The following PFKFB3 variants were observed in gnomAD, a reference collection of about 807,000 sequenced individuals.
PFKFB3 encodes the protein 6-phosphofructo-2-kinase/fructose-2,6-biphosphatase 3.
A neutral mutation model predicts 68.0 loss-of-function variants in PFKFB3; 33 were observed. The ratio of observed to expected loss-of-function variants is 0.49; its 90% CI spans 0.37 to 0.65. PFKFB3 has a LOEUF of 0.65. Ranked by LOEUF, PFKFB3 falls within the 30% of genes least tolerant of loss-of-function variation. PFKFB3 has a pLI of 0.00. For synonymous variants in PFKFB3, 315 were observed against 288.2 expected, an observed-to-expected ratio of 1.09 and a Z score of -0.94; for missense variants, 586 against 712.2, an observed-to-expected ratio of 0.82 and a Z score of 2.02.
Position 6,228,131 on chromosome 10 carries a change from G to C in PFKFB3, c.1515+1766G>C. 6.3e-7 allele frequency: 1 copy of C among 1,597,830 alleles called. No individual in the cohort carries two copies. The highest frequency in any genetic ancestry group is 8.6e-7 in the Non-Finnish European group (1 of 1,166,664). On this transcript the variant is annotated intron_variant, in intron 14 of 14. Coordinates refer to ENST00000379775, the MANE Select transcript of PFKFB3 (RefSeq NM_004566.4). This position sits in a 1 kb window ranked among gnomAD's most constrained non-coding sequence, Gnocchi z 4.5. ...GCTGGGCCGGCGTGGGGTTTTTCAG[G>C]GCTTCGTCCCTGCAGATTGCGCCCT... is the stretch of plus-strand genomic sequence containing the variant.
At chr10:6,221,577 C>A (rs750783101) in intron 9 of PFKFB3, 50 bp downstream of exon 9, 2 of 1,611,538 alleles carry the variant, frequency 1.2e-6, no homozygotes, top group South Asian at 2.2e-5. Flanking sequence ...CATGGGGCGG[C>A]TTCCCAAGAG....
intron 6 of PFKFB3, among the ~76,000 whole-genome samples, chr10:6,218,422 T>C (rs1844736879): frequency 1.4e-5 from 2 of 141,844 alleles, no homozygotes; most frequent in South Asian, 5.1e-4. Flanking sequence ...ATTTATTTAT[T>C]TATTTATTTA....
chr10:6,291,366 A>C, the PFKFB3 span, among the ~76,000 whole-genome samples: 1 of 152,160 alleles, frequency 6.6e-6, no homozygotes, highest in Non-Finnish European at 1.5e-5. Flanking sequence ...AGCCTGGTCA[A>C]CATGGTGAAA....
chr10:6,324,186 C>G, the PFKFB3 span, among the ~76,000 whole-genome samples: 5 of 152,264 alleles, frequency 3.3e-5, no homozygotes, highest in East Asian at 9.6e-4. Flanking sequence ...GATGACATGA[C>G]GCTGAGTGGA....
chr10:6,232,103 A>G (rs1279746328), intron 14 of PFKFB3, among the ~76,000 whole-genome samples: 1 of 151,962 alleles, frequency 6.6e-6, no homozygotes, highest in Non-Finnish European at 1.5e-5. Context: ...AGGTGGAGAC[A>G]CTCAGGACTG....
At chr10:6,176,623 C>A (rs1842482779) in intron 1 of PFKFB3, among the ~76,000 whole-genome samples, 1 of 152,204 alleles carries the variant, frequency 6.6e-6, no homozygotes, top group Non-Finnish European at 1.5e-5. Flanking sequence ...TGGGCTCAAG[C>A]AATCCTCCTG....
intron 14 of PFKFB3, among the ~76,000 whole-genome samples, chr10:6,251,872 C>T (rs1846389276): frequency 6.6e-6 from 1 of 152,050 alleles, no homozygotes; most frequent in Non-Finnish European, 1.5e-5. Context: ...GGAGGCTGAG[C>T]CAGGAGAATC....
intron 14 of PFKFB3, chr10:6,245,919 T>A (rs952493932): frequency 2.0e-5 from 3 of 152,142 alleles, no homozygotes; most frequent in Non-Finnish European, 4.4e-5. Context: ...AAGCTCTAAG[T>A]AGCATTAGGG....
chr10:6,228,169 A>G lies in PFKFB3; in HGVS notation c.1515+1804A>G. On this transcript the variant is annotated intron_variant, in intron 14 of 14. Transcript: ENST00000379775. This position sits in a 1 kb window ranked among gnomAD's most constrained non-coding sequence, Gnocchi z 4.5. ...CAGATTGCGCCCTGCCTCCTGACTG[A>G]CTTCTCTCTCTGCTTCTCCTCCGCA... 1.2e-6 allele frequency: 2 copies of G among 1,612,560 alleles called. No homozygotes were observed. Among genetic ancestry groups the G allele is most frequent in the Non-Finnish European group, 1.7e-6 (2 of 1,179,804 alleles).
chr10:6,282,475 T>G, the PFKFB3 span, among the ~76,000 whole-genome samples: 1 of 152,186 alleles, frequency 6.6e-6, no homozygotes, highest in Non-Finnish European at 1.5e-5. Context: ...ATAGCACCAC[T>G]GTAAATTTAA....
intron 1 of PFKFB3, among the ~76,000 whole-genome samples, chr10:6,192,705 G>GTGTA (rs1564609657): frequency 4.8e-5 from 7 of 145,884 alleles, no homozygotes; most frequent in African/African-American, 1.9e-4. Context: ...GTGTGTGTGT[G>GTGTA]TGTGTGTTGG....
At chr10:6,231,546 T>A in intron 14 of PFKFB3, 1 of 985,386 alleles carries the variant, frequency 1.0e-6, no homozygotes, top group Non-Finnish European at 1.2e-6. Flanking sequence ...GGCTCTCCAC[T>A]GTTATTGTTG....
chr10:6,206,925 C>T (rs1588475945), intron 1 of PFKFB3, among the ~76,000 whole-genome samples: 1 of 141,272 alleles, frequency 7.1e-6, no homozygotes, highest in Non-Finnish European at 1.6e-5. Flanking sequence ...CGATGGGCGG[C>T]CAGGCAGAGA....
chr10:6,287,201 C>T, the PFKFB3 span, among the ~76,000 whole-genome samples: 3 of 152,164 alleles, frequency 2.0e-5, no homozygotes, highest in Admixed American at 2.0e-4. Context: ...ATTATCTTGC[C>T]TCAGCCTCCT....
At chr10:6,256,666 C>A (rs748447264), downstream of PFKFB3, among the ~76,000 whole-genome samples, 1 of 152,204 alleles carries the variant, frequency 6.6e-6, no homozygotes, top group African/African-American at 2.4e-5. Flanking sequence ...GTGTATTTAA[C>A]GTGACGAAGC....
chr10:6,177,366 TTCTTTCTTTC>T (rs1842509304), intron 1 of PFKFB3, among the ~76,000 whole-genome samples: 1 of 92,974 alleles, frequency 1.1e-5, no homozygotes, highest in African/African-American at 3.2e-5. Flanking sequence ...CTTTCTTTCT[TTCTTTCTTTC>T]TTTCTTTCTT....
intron 14 of PFKFB3, among the ~76,000 whole-genome samples, chr10:6,249,529 C>A (rs565594657): frequency 6.6e-6 from 1 of 152,290 alleles, no homozygotes; most frequent in South Asian, 2.1e-4. Flanking sequence ...TAAACTTTGT[C>A]ATTTGCAACA....
the PFKFB3 span, among the ~76,000 whole-genome samples, chr10:6,265,356 C>T: frequency 6.6e-6 from 1 of 152,212 alleles, no homozygotes; most frequent in Non-Finnish European, 1.5e-5. Flanking sequence ...GCTGGGATTA[C>T]AGGCATGAGC....
chr10:6,157,913 T>C (rs1841856028), intron 1 of PFKFB3, among the ~76,000 whole-genome samples: 1 of 152,178 alleles, frequency 6.6e-6, no homozygotes, highest in Non-Finnish European at 1.5e-5. Flanking sequence ...AAGCAGGCAG[T>C]CCATTGTTTC....
Sources: gnomAD v4.1 joint callset for allele counts (sites outside exome capture counted in the v4.1 genomes callset) on GRCh38, gnomAD v4.1.1 for gene constraint, Gnocchi (gnomAD v3.1) non-coding constraint, MANE v1.5 for transcripts, NCBI Gene and HGNC (gene_info 2026-07-23, HGNC 2026-07-21) for gene names.